The following PDE10A variants were observed in gnomAD, a reference collection of about 807,000 sequenced individuals.
The protein encoded by PDE10A is cAMP and cAMP-inhibited cGMP 3',5'-cyclic phosphodiesterase 10A.
Under a neutral mutation model 97.7 loss-of-function variants are expected in PDE10A, and 39 were observed. The observed-to-expected ratio is 0.40, with a 90% CI of 0.31 to 0.52. The LOEUF (loss-of-function observed/expected upper bound fraction) is 0.52, where lower values mean the gene tolerates loss of function less well. Ranked by LOEUF, PDE10A falls within the 20% of genes least tolerant of loss-of-function variation. The pLI is 0.56. For missense variants in PDE10A, 731 were observed against 1,047.8 expected, an observed-to-expected ratio of 0.70 and a Z score of 4.17; for synonymous variants, 371 against 376.8, an observed-to-expected ratio of 0.98 and a Z score of 0.18.
intron 1 of PDE10A, among the ~76,000 whole-genome samples, chr6:165,614,853 A>G (rs1562630138): frequency 1.3e-5 from 2 of 152,260 alleles, no homozygotes; most frequent in East Asian, 1.9e-4. Flanking sequence ...AATTAAAAAA[A>G]AAAAAGAAAA....
Position 165,554,917 on chromosome 6 carries a change from G to A in PDE10A, c.866-11349C>T, listed in dbSNP as rs554652887. Among the ~76,000 whole-genome samples, 9 of 152,158 alleles carry A rather than the reference G, an allele frequency of 5.9e-5. No individual in the cohort carries two copies. The East Asian group carries it at 1.4e-3, about 23-fold the overall frequency. Reference sequence around the variant, plus strand: ...ATGTTAAGTAAAATAAGCCAGGCACGGAAAGACAAACATCGCATGTTCTCA... The same window carrying A: ...ATGTTAAGTAAAATAAGCCAGGCACAGAAAGACAAACATCGCATGTTCTCA... On this transcript the variant is annotated intron_variant, in intron 1 of 21. Coordinates refer to ENST00000539869, the MANE Select transcript of PDE10A (RefSeq NM_001385079.1).
Position 165,872,072 on chromosome 6 carries a change from T to C in PDE10A, c.-615+115457A>G, listed in dbSNP as rs2128478685. On this transcript the variant is annotated intron_variant, in intron 1 of 19. Coordinates refer to the PDE10A transcript ENST00000366882. The stretch of plus-strand genomic sequence containing the variant: ...CGCTGTGTTCAATTGGATGCATTTT[T>C]GCCTTTGCAAGGTCTCAATTGAGGG... Among the ~76,000 whole-genome samples the C allele has an allele frequency of 1.3e-5, 2 of 152,282 alleles. 1 individual carries two copies.
chr6:165,924,801 G>T (rs28497532), intron 1 of PDE10A, among the ~76,000 whole-genome samples: 1 of 152,170 alleles, frequency 6.6e-6, no homozygotes, highest in African/African-American at 2.4e-5. Context: ...AAACATAAAA[G>T]TTATTAGAAA....
intron 1 of PDE10A, among the ~76,000 whole-genome samples, chr6:165,987,106 C>G (rs903036745): frequency 2.0e-5 from 3 of 152,130 alleles, no homozygotes; most frequent in African/African-American, 7.2e-5. Flanking sequence ...ATCCCTTCTC[C>G]AGGCCGCCTC....
chr6:165,987,386 G>C, intron 1 of PDE10A: 1 of 312,090 alleles, frequency 3.2e-6, no homozygotes, highest in Non-Finnish European at 6.2e-6. Flanking sequence ...CCACACACGC[G>C]CACACGTTTT....
At chr6:165,715,455 C>A (rs1792002734) in intron 1 of PDE10A, among the ~76,000 whole-genome samples, 1 of 152,132 alleles carries the variant, frequency 6.6e-6, no homozygotes, top group Non-Finnish European at 1.5e-5. Flanking sequence ...CCCAAATCGA[C>A]CATCCAGCAG....
intron 1 of PDE10A, among the ~76,000 whole-genome samples, chr6:165,875,988 C>A (rs138708012): frequency 6.6e-6 from 1 of 152,184 alleles, no homozygotes; most frequent in African/African-American, 2.4e-5. Context: ...TTTAAAGAAG[C>A]TTTTATGGAT....
Position 165,333,083 on chromosome 6 carries a change from G to C in PDE10A, c.3110C>G (p.Thr1037Ser). The change falls in exon 22 of 22, where the codon ACT (threonine) becomes AGT (serine). Residue 1037 changes from threonine to serine, a missense_variant. Physicochemically the swap from Thr to Ser is moderately conservative, Grantham distance 58. Around this residue, in one of 8 missense-constraint regions of PDE10A, gnomAD observed 34 missense variants for 29.7 expected, o/e 1.14. Transcript: ENST00000539869. ...GGATGGGGATGAAATCCAGGTTGCAGTCTCCTCCCCTCGAATCACCTTCTC... is the reference window on the plus strand; with the variant it reads ...GGATGGGGATGAAATCCAGGTTGCACTCTCCTCCCCTCGAATCACCTTCTC... The part of the protein sequence containing the change: ...QWEKVIRGEE[T>S]ATWISSPSVA... The C allele has an allele frequency of 6.2e-7, 1 of 1,613,126 alleles. No individual in the cohort carries two copies. Among genetic ancestry groups the C allele is most frequent in the Non-Finnish European group, 8.5e-7 (1 of 1,179,118 alleles).
At chr6:165,703,773 C>T (rs1438813733) in intron 1 of PDE10A, among the ~76,000 whole-genome samples, 1 of 152,232 alleles carries the variant, frequency 6.6e-6, no homozygotes, top group African/African-American at 2.4e-5. Flanking sequence ...CTCCCATCTC[C>T]CTGCTTCCAT....
At chr6:165,781,700 C>T (rs1388130350) in intron 1 of PDE10A, 3 of 152,452 alleles carry the variant, frequency 2.0e-5, no homozygotes, top group Non-Finnish European at 4.4e-5. Context: ...GAAGACTTGT[C>T]TACAGTAGAG....
At chr6:165,879,705 T>C (rs919238455) in intron 1 of PDE10A, among the ~76,000 whole-genome samples, 1 of 152,256 alleles carries the variant, frequency 6.6e-6, no homozygotes, top group Non-Finnish European at 1.5e-5. Flanking sequence ...AGATTACTCA[T>C]AATACCTACT....
At chr6:165,842,317 A>C (rs1168130420) in intron 1 of PDE10A, among the ~76,000 whole-genome samples, 1 of 151,642 alleles carries the variant, frequency 6.6e-6, no homozygotes, top group Non-Finnish European at 1.5e-5. Flanking sequence ...ATATACCTGC[A>C]TGACTTCCAT....
At chr6:165,758,720 T>TGAG (rs1435818452) in intron 1 of PDE10A, among the ~76,000 whole-genome samples, 1 of 145,010 alleles carries the variant, frequency 6.9e-6, no homozygotes, top group Admixed American at 6.9e-5. Context: ...GGGAGGAGGA[T>TGAG]GAGGAGGAGG....
chr6:165,423,773 G>A (rs1458354754), intron 10 of PDE10A, among the ~76,000 whole-genome samples: 1 of 151,482 alleles, frequency 6.6e-6, no homozygotes, highest in African/African-American at 2.4e-5. Context: ...GCTGAGGCAG[G>A]AGAATGGCAG....
chr6:165,392,079 C>T (rs1287420002), intron 16 of PDE10A, among the ~76,000 whole-genome samples: 1 of 152,152 alleles, frequency 6.6e-6, no homozygotes, highest in Non-Finnish European at 1.5e-5. Flanking sequence ...AAGCATTTAG[C>T]CTGGCTTTCA....
At chr6:165,558,054 C>A (rs1784346769) in intron 1 of PDE10A, among the ~76,000 whole-genome samples, 1 of 152,098 alleles carries the variant, frequency 6.6e-6, no homozygotes, top group Admixed American at 6.6e-5. Flanking sequence ...GGCAATGCCT[C>A]AAGGATCTAG....
chr6:165,342,399 C>T (rs1782025552), intron 19 of PDE10A, among the ~76,000 whole-genome samples: 1 of 152,234 alleles, frequency 6.6e-6, no homozygotes, highest in African/African-American at 2.4e-5. Context: ...AAAGAAAAAG[C>T]TCATGCGAGA....
intron 1 of PDE10A, among the ~76,000 whole-genome samples, chr6:165,544,820 A>AAC (rs35620564): frequency 0.11 from 16,744 of 150,044 alleles, 1,487 homozygotes; most frequent in East Asian, 0.31. Flanking sequence ...AGTCAATTTA[A>AAC]ACACACACAC....
chr6:165,764,924 CA>C (rs1054824220), intron 1 of PDE10A, among the ~76,000 whole-genome samples: 1 of 152,160 alleles, frequency 6.6e-6, no homozygotes, highest in Non-Finnish European at 1.5e-5. Flanking sequence ...TCTGTTTTGA[CA>C]GGGCACTGAT....
Sources: allele counts gnomAD v4.1 joint callset (sites outside exome capture counted in the v4.1 genomes callset), GRCh38; gene constraint gnomAD v4.1.1; regional missense constraint gnomAD v4.1.1; transcripts MANE v1.5; gene names NCBI Gene and HGNC (gene_info 2026-07-23, HGNC 2026-07-21).